HMGN3: variants seen among roughly 807,000 people sequenced by gnomAD.
HMGN3 encodes the protein high mobility group nucleosomal binding domain 3.
HMGN3 carries 6 observed loss-of-function variants against 18.8 expected under a neutral mutation model. The observed-to-expected ratio is 0.32, with a 90% CI of 0.18 to 0.63. The LOEUF is 0.63. HMGN3 is among the 30% of genes least tolerant of loss of function. The probability of loss-of-function intolerance (pLI) is 0.79; values close to 1 mark genes in which losing one functional copy is unlikely to be tolerated. For synonymous variants in HMGN3, 40 were observed against 36.5 expected (o/e 1.10, Z -0.35); for missense variants, 107 against 114.2 (o/e 0.94, Z 0.29).
At chr6:79,226,525 T>C (rs968400276) in intron 1 of HMGN3, among the ~76,000 whole-genome samples, 9 of 152,214 alleles carry the variant, frequency 5.9e-5, no homozygotes, top group African/African-American at 2.2e-4. Context: ...AATGAAATTA[T>C]AGTATATACT....
At chr6:79,207,489 T>A (rs1381030755) in intron 3 of HMGN3, among the ~76,000 whole-genome samples, 1 of 152,228 alleles carries the variant, frequency 6.6e-6, no homozygotes, top group African/African-American at 2.4e-5. Context: ...TCTTCCACCA[T>A]GATTGTGAGG....
intron 2 of HMGN3, among the ~76,000 whole-genome samples, chr6:79,214,264 T>C (rs908816313): frequency 7.3e-5 from 11 of 150,628 alleles, no homozygotes; most frequent in Admixed American, 1.3e-4. Context: ...TGCAGTGGTG[T>C]GATCTCGGCT....
chr6:79,225,685 G>A (rs759049075), intron 1 of HMGN3, among the ~76,000 whole-genome samples: 82 of 152,206 alleles, frequency 5.4e-4, no homozygotes, highest in Non-Finnish European at 9.3e-4. Context: ...AGTGGAATCT[G>A]AGAAAATTAT....
Position 79,211,011 on chromosome 6 carries a change from C to CAAAAAAAAAAAAAA in HMGN3, c.67-2449_67-2436dup, listed in dbSNP as rs59749044. Among the ~76,000 whole-genome samples, 9 of 89,702 alleles carry CAAAAAAAAAAAAAA rather than the reference C, an allele frequency of 1.0e-4. 1 individual carries two copies. The highest frequency in any genetic ancestry group is 3.7e-4 in the East Asian group (1 of 2,730). 58.8% of individuals were successfully genotyped at this position (89,702 alleles called of 152,430 possible). On this transcript the variant is annotated intron_variant, in intron 2 of 5. Coordinates refer to ENST00000344726, the Ensembl canonical transcript of HMGN3. ...AAATAAAAAGCCTCGGAAATTAATG[C>CAAAAAAAAAAAAAA]AAAAAAAAAAAAAAAAAAAAAATGC...
chr6:79,216,749 C>T (rs1458887340), intron 1 of HMGN3, among the ~76,000 whole-genome samples: 2 of 152,174 alleles, frequency 1.3e-5, no homozygotes, highest in African/African-American at 4.8e-5. Context: ...TTAGTCTGAG[C>T]ATATGAAGAT....
intron 1 of HMGN3, among the ~76,000 whole-genome samples, chr6:79,224,154 A>T (rs571097820): frequency 6.6e-6 from 1 of 152,356 alleles, no homozygotes; most frequent in Admixed American, 6.5e-5. Flanking sequence ...AGAGAGGTTG[A>T]ATAACTTGCC....
chr6:79,202,358 G>C (rs1776183537), exon 5 of HMGN3: 1 of 1,613,768 alleles, frequency 6.2e-7, no homozygotes, highest in African/African-American at 1.3e-5. Flanking sequence ...CTTCCCTTTA[G>C]CACCTCTGCT....
intron 2 of HMGN3, among the ~76,000 whole-genome samples, chr6:79,210,814 T>A (rs1348476939): frequency 6.6e-6 from 1 of 152,044 alleles, no homozygotes. Flanking sequence ...GACAATGTTG[T>A]TCCTCTCCAT....
intron 2 of HMGN3, among the ~76,000 whole-genome samples, chr6:79,213,905 T>C (rs542979574): frequency 6.6e-6 from 1 of 152,284 alleles, no homozygotes; most frequent in African/African-American, 2.4e-5. Flanking sequence ...AGTTCAAGGG[T>C]AACAGCTGCA....
chr6:79,214,643 T>C (rs770342333), intron 2 of HMGN3, among the ~76,000 whole-genome samples: 34 of 152,248 alleles, frequency 2.2e-4, no homozygotes, highest in Non-Finnish European at 4.3e-4. Context: ...GACTTTGTTC[T>C]CCTTGATGAA....
exon 2 of HMGN3, chr6:79,214,997 T>A (rs756423738): frequency 1.3e-6 from 2 of 1,527,202 alleles, no homozygotes; most frequent in Non-Finnish European, 1.8e-6. Context: ...TTTGGATCCA[T>A]CTTTGCCCTC....
intron 2 of HMGN3, among the ~76,000 whole-genome samples, chr6:79,210,497 G>A (rs1361041656): frequency 6.6e-6 from 1 of 152,134 alleles, no homozygotes; most frequent in Admixed American, 6.5e-5. Flanking sequence ...CATCTGACAC[G>A]TCTCCATACC....
chr6:79,231,836 AGTTTTAAT>A (rs1305075179), intron 1 of HMGN3, among the ~76,000 whole-genome samples: 1 of 152,154 alleles, frequency 6.6e-6, no homozygotes, highest in African/African-American at 2.4e-5. Flanking sequence ...ACACATACAC[AGTTTTAAT>A]GTTATTCAAC....
chr6:79,220,722 C>T lies in HMGN3; in HGVS notation c.16-5700G>A, dbSNP rs560000872. On this transcript the variant is annotated intron_variant, in intron 1 of 5. Coordinates refer to ENST00000344726, the Ensembl canonical transcript of HMGN3. ...TTGGCCTCCCAAAGTGTTGAGATTA[C>T]AGGTGTGAGCCACCACGCCCCACCA... 2.3e-3 allele frequency among the ~76,000 whole-genome samples: 352 copies of T among 152,288 alleles called. 3 individuals are homozygous for T. In the South Asian group the frequency reaches 0.023, roughly 10 times the overall value.
At chr6:79,202,222 G>C (rs1230499094) in intron 5 of HMGN3, 54 bp downstream of exon 5, 24 of 1,612,872 alleles carry the variant, frequency 1.5e-5, no homozygotes, top group Non-Finnish European at 2.0e-5. Context: ...GAAGGATTGA[G>C]AAATTTCTTT....
At chr6:79,218,621 A>C (rs1205843699) in intron 1 of HMGN3, among the ~76,000 whole-genome samples, 3 of 152,206 alleles carry the variant, frequency 2.0e-5, no homozygotes, top group Non-Finnish European at 4.4e-5. Context: ...AAAGAAAAGC[A>C]TAACAAATGA....
At chr6:79,219,867 A>C (rs530448116) in intron 1 of HMGN3, among the ~76,000 whole-genome samples, 74 of 152,316 alleles carry the variant, frequency 4.9e-4, no homozygotes, top group Non-Finnish European at 8.5e-4. Context: ...AGGAACATCT[A>C]ATCTGTATTT....
intron 4 of HMGN3, among the ~76,000 whole-genome samples, chr6:79,203,164 C>T (rs1776232869): frequency 6.6e-6 from 1 of 152,148 alleles, no homozygotes; most frequent in African/African-American, 2.4e-5. Context: ...ATATTACCTG[C>T]TGGCATTATT....
chr6:79,213,382 T>G (rs1344362073), intron 2 of HMGN3, among the ~76,000 whole-genome samples: 1 of 152,228 alleles, frequency 6.6e-6, no homozygotes, highest in Non-Finnish European at 1.5e-5. Flanking sequence ...CAATCAAAGA[T>G]TACTGGGTGC....
Sources: allele counts gnomAD v4.1 joint callset (sites outside exome capture counted in the v4.1 genomes callset), GRCh38; gene constraint gnomAD v4.1.1; transcripts MANE v1.5; gene names NCBI Gene and HGNC (gene_info 2026-07-23, HGNC 2026-07-21).